The following PLXNC1 variants were observed in gnomAD, a reference collection of about 807,000 sequenced individuals.
PLXNC1 encodes plexin-C1.
Under a neutral mutation model 178.2 loss-of-function variants are expected in PLXNC1, and 75 were observed. The ratio of observed to expected loss-of-function variants is 0.42; its 90% CI spans 0.35 to 0.51. The LOEUF (loss-of-function observed/expected upper bound fraction) is 0.51, where lower values mean the gene tolerates loss of function less well. PLXNC1 is among the 20% of genes least tolerant of loss of function. The pLI, the probability that PLXNC1 is intolerant of heterozygous loss-of-function variation, is 0.02. For missense variants in PLXNC1, 1,503 were observed against 1,984.4 expected (o/e 0.76, Z 4.61); for synonymous variants, 790 against 779.9 (o/e 1.01, Z -0.22).
chr12:94,209,493 A>C, intron 4 of PLXNC1, 97 bp from the exon 5 acceptor site: 1 of 722,244 alleles, frequency 1.4e-6, no homozygotes, highest in Non-Finnish European at 2.5e-6. Context: ...TTTGTACTGA[A>C]GCCAAGTATA....
At chr12:94,272,443 C>T (rs773523684) in intron 21 of PLXNC1, 27 of 152,282 alleles carry the variant, frequency 1.8e-4, no homozygotes, top group Non-Finnish European at 3.7e-4. Context: ...AACATATCCA[C>T]TTAATGTCAT....
At chr12:94,217,315 G>A (rs753348110) in intron 5 of PLXNC1, among the ~76,000 whole-genome samples, 2 of 152,174 alleles carry the variant, frequency 1.3e-5, no homozygotes, top group South Asian at 2.1e-4. Context: ...TTCCCTCCCT[G>A]TCTCTAAATA....
At chr12:94,177,537 G>GAAAGAGAAAC (rs769164476) in intron 2 of PLXNC1, among the ~76,000 whole-genome samples, 1 of 150,046 alleles carries the variant, frequency 6.7e-6, no homozygotes, top group Admixed American at 6.7e-5. Flanking sequence ...GAGAAAGAAA[G>GAAAGAGAAAC]AAAGAGAGAG....
chr12:94,163,583 G>A (rs1961476042), intron 1 of PLXNC1, among the ~76,000 whole-genome samples: 1 of 152,088 alleles, frequency 6.6e-6, no homozygotes, highest in Non-Finnish European at 1.5e-5. Context: ...GTTGGCCTGG[G>A]TGGCTGGGAA....
rs1442291470 is a variant in PLXNC1, at chr12:94,149,368, G to A, written c.397G>A (p.Ala133Thr). 1.4e-6 allele frequency: 2 copies of A among 1,423,718 alleles called. No homozygotes were observed. Among genetic ancestry groups the A allele is most frequent in the Admixed American group, 6.2e-5 (2 of 32,494 alleles). The allele number at this position is 1,423,718 out of a possible 1,614,324, so 88.2% of individuals were successfully genotyped here. Residue 133 changes from alanine to threonine, a missense_variant, in exon 1 of 31, where the codon GCC becomes ACC. By Grantham distance (58) the Ala-to-Thr change is moderately conservative. This residue lies in a region of PLXNC1 where 73 missense variants were observed against 125.4 expected (regional missense o/e 0.58). Coordinates refer to ENST00000258526, the MANE Select transcript of PLXNC1 (RefSeq NM_005761.3). Reference protein sequence around the residue: ...LLTGWTFDRGACEVRPLGNLS... With the variant: ...LLTGWTFDRGTCEVRPLGNLS... ...CACCGGCTGGACCTTCGACCGGGGC[G>A]CCTGCGAGGTGCGGCCCCTGGGCAA...
chr12:94,220,970 G>A lies in PLXNC1; in HGVS notation c.1702+807G>A, dbSNP rs116843005. 5.7e-3 allele frequency among the ~76,000 whole-genome samples: 867 copies of A among 152,320 alleles called. 6 individuals are homozygous for A. Among genetic ancestry groups the A allele is most frequent in the Non-Finnish European group, 9.3e-3 (630 of 68,024 alleles). ...GTAGGGGAAGGTGGAAAGGGGAGAC[G>A]GAGGGAAGATAGATACCAAAGGAGG... is the stretch of plus-strand genomic sequence containing the variant. On this transcript the variant is annotated intron_variant, in intron 6 of 30. Coordinates refer to ENST00000258526, the MANE Select transcript of PLXNC1 (RefSeq NM_005761.3).
chr12:94,300,103 C>T (rs1309126326), intron 27 of PLXNC1, among the ~76,000 whole-genome samples: 1 of 152,142 alleles, frequency 6.6e-6, no homozygotes, highest in African/African-American at 2.4e-5. Context: ...CTACTATGGG[C>T]CAAGCAGTTA....
rs999417348 is a variant in PLXNC1, at chr12:94,209,236, G to T, written c.1440-354G>T. ...TGAACTCTTCCTTGAGCTGTTCTTT[G>T]CTAGGCATTTCTAAAAGGGAGCTCC... On this transcript the variant is annotated intron_variant, in intron 4 of 30. Transcript: ENST00000258526. Among the ~76,000 whole-genome samples the T allele has an allele frequency of 3.9e-5, 6 of 152,286 alleles. 1 individual carries two copies. Among genetic ancestry groups the T allele is most frequent in the East Asian group, 1.9e-4 (1 of 5,188 alleles).
chr12:94,199,428 G>A (rs1360219527), intron 4 of PLXNC1, among the ~76,000 whole-genome samples: 1 of 152,202 alleles, frequency 6.6e-6, no homozygotes, highest in African/African-American at 2.4e-5. Flanking sequence ...GAAGCAAGTA[G>A]GACAACTGTC....
At chr12:94,167,717 A>G (rs747225982) in intron 1 of PLXNC1, among the ~76,000 whole-genome samples, 1 of 152,294 alleles carries the variant, frequency 6.6e-6, no homozygotes, top group African/African-American at 2.4e-5. Context: ...TCATCTTCCC[A>G]TATTGCATGA....
At chr12:94,184,047 T>G (rs1230029961) in intron 3 of PLXNC1, among the ~76,000 whole-genome samples, 1 of 152,104 alleles carries the variant, frequency 6.6e-6, no homozygotes, top group Non-Finnish European at 1.5e-5. Context: ...GGCATTGATA[T>G]GGAATAGTCA....
At chr12:94,195,738 G>T (rs1055142938) in intron 4 of PLXNC1, among the ~76,000 whole-genome samples, 2 of 152,158 alleles carry the variant, frequency 1.3e-5, no homozygotes, top group Non-Finnish European at 2.9e-5. Context: ...GCTGTTCCAC[G>T]CATGAGATCG....
chr12:94,181,319 C>T (rs61926925), intron 2 of PLXNC1, 127 bp from the exon 3 acceptor site: 64,929 of 561,260 alleles, frequency 0.12, 4,338 homozygotes, highest in Admixed American at 0.14. Flanking sequence ...ACCTGGGAGG[C>T]GGAGGTTGCA....
chr12:94,186,505 A>AT, intron 4 of PLXNC1, 32 bp downstream of exon 4: 1 of 1,468,652 alleles, frequency 6.8e-7, no homozygotes, highest in Non-Finnish European at 9.5e-7. Flanking sequence ...ACCAACTCGC[A>AT]TTTTTGAAAA....
chr12:94,217,909 G>C (rs911402355), intron 5 of PLXNC1, among the ~76,000 whole-genome samples: 1 of 152,182 alleles, frequency 6.6e-6, no homozygotes, highest in Non-Finnish European at 1.5e-5. Flanking sequence ...TTGCAAGCTT[G>C]ATGAACATTT....
At chr12:94,173,424 G>C (rs1231078521) in intron 2 of PLXNC1, among the ~76,000 whole-genome samples, 2 of 152,254 alleles carry the variant, frequency 1.3e-5, no homozygotes, top group Admixed American at 1.3e-4. Context: ...ATTAACCTTC[G>C]TGTAAGCATA....
intron 23 of PLXNC1, among the ~76,000 whole-genome samples, chr12:94,286,222 G>C (rs568826787): frequency 6.6e-6 from 1 of 152,302 alleles, no homozygotes; most frequent in South Asian, 2.1e-4. Flanking sequence ...ACAAGCCTAG[G>C]ACATGAAGGC....
chr12:94,295,822 G>A (rs1967866641), intron 24 of PLXNC1, among the ~76,000 whole-genome samples: 1 of 152,136 alleles, frequency 6.6e-6, no homozygotes, highest in Non-Finnish European at 1.5e-5. Context: ...TCAACTCTGT[G>A]TTGTCCATAA....
intron 21 of PLXNC1, among the ~76,000 whole-genome samples, chr12:94,279,023 G>T (rs1438701381): frequency 1.3e-5 from 2 of 151,546 alleles, no homozygotes; most frequent in Admixed American, 1.3e-4. Flanking sequence ...CTCTGGCATG[G>T]TCAATATGGG....
Sources: allele counts gnomAD v4.1 joint callset (sites outside exome capture counted in the v4.1 genomes callset), GRCh38; gene constraint gnomAD v4.1.1; regional missense constraint gnomAD v4.1.1; transcripts MANE v1.5; gene names NCBI Gene and HGNC (gene_info 2026-07-23, HGNC 2026-07-21).